MTERF4: variants seen among roughly 807,000 people sequenced by gnomAD.
MTERF4 encodes mitochondrial transcription termination factor 4.
In MTERF4, 17 loss-of-function variants were observed where a neutral mutation model predicts 22.5. The ratio of observed to expected loss-of-function variants is 0.75; its 90% CI spans 0.52 to 1.13. The LOEUF is 1.13. MTERF4 is among the 50% of genes most tolerant of loss of function. MTERF4 has a pLI of 0.00. For missense variants in MTERF4, 420 were observed against 466.8 expected (o/e 0.90, Z 0.92); for synonymous variants, 165 against 175.3 (o/e 0.94, Z 0.47).
Position 241,095,877 on chromosome 2 carries a change from A to C in MTERF4, c.*121T>G. The stretch of plus-strand genomic sequence containing the variant: ...GTGACTTATAATTTTTTTCATCAAG[A>C]GACCAGTTTTAGAATAAAAAATAAC... On this transcript the variant is annotated 3_prime_UTR_variant, in exon 4 of 4. Transcript: ENST00000391980. The C allele has an allele frequency of 6.0e-6, 9 of 1,500,130 alleles. No homozygotes were observed. The highest frequency in any genetic ancestry group is 7.1e-6 in the Non-Finnish European group (8 of 1,126,604). 92.9% of individuals were successfully genotyped at this position (1,500,130 alleles called of 1,614,324 possible). A position where few individuals can be genotyped will look rare whatever the true frequency, so the allele number is the denominator to read the frequency against.
intron 1 of MTERF4, among the ~76,000 whole-genome samples, chr2:241,100,262 G>A (rs1488863045): frequency 6.6e-6 from 1 of 152,084 alleles, no homozygotes; most frequent in African/African-American, 2.4e-5. Context: ...TTCATTCCAC[G>A]AGAAGAATCT....
chr2:241,079,053 G>A (rs543275159), intron 4 of MTERF4, among the ~76,000 whole-genome samples: 53 of 148,290 alleles, frequency 3.6e-4, no homozygotes, highest in Non-Finnish European at 5.2e-4. Flanking sequence ...GGCGGAGGCT[G>A]CAGCGAGCCG....
At chr2:241,089,189 A>G (rs2063749619), downstream of MTERF4, 2 of 1,108,792 alleles carry the variant, frequency 1.8e-6, no homozygotes, top group South Asian at 1.7e-5. Context: ...CATACTGACC[A>G]TCATTTTTTA....
In MTERF4 at chr2:241,075,698, T is replaced by C. The variant is rs543850969; in HGVS notation, n.480-16A>G. ...GTGGTACTTCCTAATAGAGAAAAGT[T>C]CATAATCAAATTTATCAAGCATTAG... On this transcript the variant is annotated splice_polypyrimidine_tract_variant and intron_variant and non_coding_transcript_variant, in intron 4 of 4. Coordinates refer to the MTERF4 transcript ENST00000464344. The surrounding 1 kb of genome is among the most constrained non-coding windows in gnomAD (Gnocchi z 4.8). The C allele has an allele frequency of 2.6e-5, 4 of 152,274 alleles. No homozygotes were observed. The highest frequency in any genetic ancestry group is 1.3e-4 in the Admixed American group (2 of 15,306). 9.4% of individuals were successfully genotyped at this position (152,274 alleles called of 1,614,324 possible). A position where few individuals can be genotyped will look rare whatever the true frequency, so the allele number is the denominator to read the frequency against.
At chr2:241,048,848 C>T in the MTERF4 span, 3 of 1,299,690 alleles carry the variant, frequency 2.3e-6, no homozygotes, top group Non-Finnish European at 3.3e-6. Context: ...GGCCGGGGTC[C>T]GTAGGTCCAG....
chr2:241,079,363 G>A (rs2063212705), intron 4 of MTERF4, among the ~76,000 whole-genome samples: 1 of 148,836 alleles, frequency 6.7e-6, no homozygotes, highest in Non-Finnish European at 1.5e-5. Flanking sequence ...AGTGAGCCAA[G>A]ATCGCCCCAC....
chr2:241,097,357 A>G lies in MTERF4; in HGVS notation c.591T>C (p.Thr197=). Reference sequence around the variant, plus strand: ...GGCACTTCTCCTTGAGAAGCCTGACAGTGTCGTTAATGTCCTGCTGGCGCA... The same window carrying G: ...GGCACTTCTCCTTGAGAAGCCTGACGGTGTCGTTAATGTCCTGCTGGCGCA... ...FTMRQQDIND[T]VRLLKEKCLF... Residue 197 remains threonine, a synonymous_variant, in exon 3 of 4, where the codon ACT becomes ACC. Coordinates refer to ENST00000391980, the MANE Select transcript of MTERF4 (RefSeq NM_182501.4). 1.2e-6 allele frequency: 2 copies of G among 1,614,238 alleles called. No homozygotes were observed. The highest frequency in any genetic ancestry group is 1.7e-6 in the Non-Finnish European group (2 of 1,180,032).
At chr2:241,087,605 G>A, downstream of MTERF4, 1 of 1,446,170 alleles carries the variant, frequency 6.9e-7, no homozygotes, top group Non-Finnish European at 9.1e-7. Context: ...CAGATAGGCA[G>A]CCCCTGGGCA....
At chr2:241,065,154 C>A in the MTERF4 span, 2 of 883,844 alleles carry the variant, frequency 2.3e-6, no homozygotes, top group Admixed American at 2.6e-5. Context: ...CCTGGAGGTA[C>A]GTGGCCAGGG....
At chr2:241,069,966 C>T (rs1377052853), downstream of MTERF4, 1 of 1,612,886 alleles carries the variant, frequency 6.2e-7, no homozygotes, top group Non-Finnish European at 8.5e-7. The surrounding 1 kb of genome is among the most constrained non-coding windows in gnomAD (Gnocchi z 4.9). Context: ...TCACTGCCAC[C>T]TCTGCCCACG....
At chr2:241,088,471 C>T (rs771697328), downstream of MTERF4, 10 of 1,315,624 alleles carry the variant, frequency 7.6e-6, no homozygotes, top group East Asian at 9.2e-5. Context: ...TGCCCAGCCC[C>T]GGGATCTCAG....
the MTERF4 span, chr2:241,049,733 G>A: frequency 1.0e-6 from 1 of 992,772 alleles, no homozygotes; most frequent in Non-Finnish European, 1.6e-6. Context: ...GGGTAACCCT[G>A]GCAGGCAAGG....
chr2:241,100,650 C>T (rs556801518), intron 1 of MTERF4, among the ~76,000 whole-genome samples: 42 of 152,008 alleles, frequency 2.8e-4, no homozygotes, highest in Admixed American at 5.9e-4. Flanking sequence ...TTTGTAGAGA[C>T]GGGGTTTTGC....
chr2:241,093,830 A>T (rs2064207123), downstream of MTERF4: 1 of 152,434 alleles, frequency 6.6e-6, no homozygotes, highest in Admixed American at 6.5e-5. Flanking sequence ...TTCCTTGAAA[A>T]TACTCAAAGT....
chr2:241,050,351 A>C, the MTERF4 span, among the ~76,000 whole-genome samples: 1 of 152,158 alleles, frequency 6.6e-6, no homozygotes, highest in Non-Finnish European at 1.5e-5. Flanking sequence ...AGGCGTAGCT[A>C]TCCCCGCCAG....
chr2:241,096,410 T>C lies in MTERF4; in HGVS notation c.734A>G (p.His245Arg). ...GTACTCACTCTTTACAATGTCTGGA[T>C]GCTTAATTCCCATCCTGAAGTATGC... ...QYAYFRMGIK[H>R]PDIVKSEYLQ... Residue 245 changes from histidine to arginine, a missense_variant, in exon 4 of 4, where the codon CAT becomes CGT. Coordinates refer to ENST00000391980, the MANE Select transcript of MTERF4 (RefSeq NM_182501.4). This position sits in a 1 kb window ranked among gnomAD's most constrained non-coding sequence, Gnocchi z 5.1. 1 of 1,614,214 alleles carries C rather than the reference T, an allele frequency of 6.2e-7. No individual in the cohort carries two copies. Among genetic ancestry groups the C allele is most frequent in the Non-Finnish European group, 8.5e-7 (1 of 1,180,042 alleles).
Position 241,096,563 on chromosome 2 carries a change from A to T in MTERF4, c.706-125T>A. 1.0e-6 allele frequency: 1 copy of T among 1,003,676 alleles called. No homozygotes were observed. Among genetic ancestry groups the T allele is most frequent in the Middle Eastern group, 2.1e-4 (1 of 4,872 alleles). The allele number at this position is 1,003,676 out of a possible 1,614,324, so 62.2% of individuals were successfully genotyped here. A position where few individuals can be genotyped will look rare whatever the true frequency, so the allele number is the denominator to read the frequency against. On this transcript the variant is annotated intron_variant, in intron 3 of 3. Transcript: ENST00000391980. This position sits in a 1 kb window ranked among gnomAD's most constrained non-coding sequence, Gnocchi z 5.1. ...AGAATTGCCTAATTGACAACAGCGA[A>T]TACCCAGTCTAGGATACTGACATTT...
the MTERF4 span, chr2:241,063,557 C>G: frequency 1.3e-6 from 2 of 1,490,406 alleles, no homozygotes; most frequent in Non-Finnish European, 1.8e-6. Context: ...CTTGAGCCAG[C>G]AACACCCTTG....
chr2:241,049,586 C>T, the MTERF4 span, among the ~76,000 whole-genome samples: 2 of 152,246 alleles, frequency 1.3e-5, no homozygotes, highest in East Asian at 1.9e-4. Flanking sequence ...AGTCCTGCCT[C>T]GTAGAAGACG....
Sources: gnomAD v4.1 joint callset for allele counts (sites outside exome capture counted in the v4.1 genomes callset) on GRCh38, gnomAD v4.1.1 for gene constraint, Gnocchi (gnomAD v3.1) non-coding constraint, MANE v1.5 for transcripts, NCBI Gene and HGNC (gene_info 2026-07-23, HGNC 2026-07-21) for gene names.